TMEM132D: variants seen among roughly 807,000 people sequenced by gnomAD.
TMEM132D encodes transmembrane protein 132D.
Under a neutral mutation model 62.3 loss-of-function variants are expected in TMEM132D, and 21 were observed. The ratio of observed to expected loss-of-function variants is 0.34; its 90% confidence interval spans 0.24 to 0.49. The LOEUF (loss-of-function observed/expected upper bound fraction) is 0.49, where lower values mean the gene tolerates loss of function less well. TMEM132D is among the 20% of genes least tolerant of loss of function. The pLI, the probability that TMEM132D is intolerant of heterozygous loss-of-function variation, is 0.99. For synonymous variants in TMEM132D, 621 were observed against 575.6 expected (o/e 1.08, Z -1.13); for missense variants, 1,346 against 1,402.8 (o/e 0.96, Z 0.65).
At chr12:129,470,946 G>T (rs1327358096) in intron 3 of TMEM132D, among the ~76,000 whole-genome samples, 1 of 152,172 alleles carries the variant, frequency 6.6e-6, no homozygotes, top group Admixed American at 6.5e-5. Context: ...AGAGAGTAGA[G>T]ATGACATCAT....
At chr12:129,272,349 T>A (rs1283254654) in intron 4 of TMEM132D, among the ~76,000 whole-genome samples, 1 of 151,762 alleles carries the variant, frequency 6.6e-6, no homozygotes, top group Non-Finnish European at 1.5e-5. Flanking sequence ...AACCAAGCCA[T>A]CAGTAAGTCT....
chr12:129,207,608 G>A (rs1349891448), intron 5 of TMEM132D, among the ~76,000 whole-genome samples: 3 of 152,160 alleles, frequency 2.0e-5, no homozygotes, highest in South Asian at 2.1e-4. Flanking sequence ...TGTTACAGGA[G>A]TGGCCGAGTC....
chr12:129,395,765 T>C (rs981301213), intron 3 of TMEM132D, among the ~76,000 whole-genome samples: 29 of 148,774 alleles, frequency 1.9e-4, no homozygotes, highest in Non-Finnish European at 3.3e-4. Context: ...ATAAAATATA[T>C]ATCTATATAC....
intron 3 of TMEM132D, among the ~76,000 whole-genome samples, chr12:129,388,119 C>T (rs1871166070): frequency 7.5e-6 from 1 of 132,862 alleles, no homozygotes; most frequent in South Asian, 2.3e-4. Flanking sequence ...ACCAATCCAG[C>T]ACTGATGATA....
In TMEM132D at chr12:129,732,044, G is replaced by A. The variant is rs1028935958; in HGVS notation, c.80-31346C>T. Among the ~76,000 whole-genome samples, 101 of 151,998 alleles carry A rather than the reference G, an allele frequency of 6.6e-4. 2 individuals are homozygous for A. The highest frequency in any genetic ancestry group is 3.4e-3 in the Middle Eastern group (1 of 290). ...CAGATGCTACCATCGAGTGTAGGCC[G>A]GCCTTAGTGGCTTGCTTCTAATTCG... On this transcript the variant is annotated intron_variant, in intron 1 of 8. Transcript: ENST00000422113.
intron 3 of TMEM132D, among the ~76,000 whole-genome samples, chr12:129,364,109 G>A (rs1264388547): frequency 2.0e-5 from 3 of 152,198 alleles, no homozygotes; most frequent in Non-Finnish European, 2.9e-5. Context: ...ACACTCTCCA[G>A]ATAAGATAGC....
At chr12:129,314,917 G>A (rs1268319170) in intron 4 of TMEM132D, among the ~76,000 whole-genome samples, 2 of 151,928 alleles carry the variant, frequency 1.3e-5, no homozygotes, top group Non-Finnish European at 2.9e-5. Flanking sequence ...ATTGTAAAAG[G>A]GATGAGTTCT....
intron 3 of TMEM132D, among the ~76,000 whole-genome samples, chr12:129,446,778 C>T (rs1873109836): frequency 6.6e-6 from 1 of 152,206 alleles, no homozygotes; most frequent in South Asian, 2.1e-4. Context: ...ATTTCCCCCT[C>T]TCTTACTTAA....
At chr12:129,289,566 A>AAAG (rs1555244934) in intron 4 of TMEM132D, among the ~76,000 whole-genome samples, 30 of 144,774 alleles carry the variant, frequency 2.1e-4, no homozygotes, top group East Asian at 1.5e-3. Context: ...AAAAAAAAAG[A>AAAG]AAAAAAAGAA....
intron 2 of TMEM132D, among the ~76,000 whole-genome samples, chr12:129,551,595 T>C (rs139259280): frequency 3.0e-4 from 46 of 152,370 alleles, no homozygotes; most frequent in Middle Eastern, 3.4e-3. Context: ...TCTACTTTAG[T>C]ATAGCGCCAA....
chr12:129,101,984 G>GGT (rs1875323873), intron 5 of TMEM132D, among the ~76,000 whole-genome samples: 5 of 126,958 alleles, frequency 3.9e-5, no homozygotes, highest in African/African-American at 1.8e-4. Context: ...CAAAGCTGCT[G>GGT]TTTTTTTTTT....
rs575700922 is a variant in TMEM132D, at chr12:129,471,934, G to C, written c.1115+59125C>G. ...CTTCAGTTCTGTGAATCTTAGAGAGGTGAGGAAGCTACGGAAGTTGGAAGT... is the reference window on the plus strand; with the variant it reads ...CTTCAGTTCTGTGAATCTTAGAGAGCTGAGGAAGCTACGGAAGTTGGAAGT... On this transcript the variant is annotated intron_variant, in intron 3 of 8. Coordinates refer to ENST00000422113, the MANE Select transcript of TMEM132D (RefSeq NM_133448.3). 2.3e-4 allele frequency among the ~76,000 whole-genome samples: 35 copies of C among 152,366 alleles called. 1 individual carries two copies. In the South Asian group the frequency reaches 6.8e-3, roughly 30 times the overall value.
At chr12:129,086,159 A>C (rs1874610274) in intron 5 of TMEM132D, among the ~76,000 whole-genome samples, 1 of 151,726 alleles carries the variant, frequency 6.6e-6, no homozygotes, top group Non-Finnish European at 1.5e-5. Context: ...AATAATTACA[A>C]GTTAGCTCAC....
At chr12:129,615,558 A>G (rs1236756255) in intron 2 of TMEM132D, among the ~76,000 whole-genome samples, 1 of 149,422 alleles carries the variant, frequency 6.7e-6, no homozygotes, top group African/African-American at 2.5e-5. Context: ...TGGGATCAGC[A>G]TGGGCAATAT....
intron 3 of TMEM132D, among the ~76,000 whole-genome samples, chr12:129,423,433 G>A (rs1389833250): frequency 6.6e-6 from 1 of 152,158 alleles, no homozygotes; most frequent in Admixed American, 6.6e-5. Flanking sequence ...ACGCTCACTG[G>A]GGATCTGGTT....
At chr12:129,106,673 G>T (rs530819921) in intron 5 of TMEM132D, among the ~76,000 whole-genome samples, 7 of 152,254 alleles carry the variant, frequency 4.6e-5, no homozygotes, top group African/African-American at 9.6e-5. Context: ...TGGGCAGATT[G>T]GAGGAGGGCA....
intron 2 of TMEM132D, among the ~76,000 whole-genome samples, chr12:129,564,124 G>C (rs1448784942): frequency 6.6e-6 from 1 of 152,144 alleles, no homozygotes; most frequent in Non-Finnish European, 1.5e-5. Flanking sequence ...GCACCTAGCT[G>C]ACCTGCCTAG....
chr12:129,150,500 C>T (rs945784374), intron 5 of TMEM132D, among the ~76,000 whole-genome samples: 9 of 152,202 alleles, frequency 5.9e-5, no homozygotes, highest in African/African-American at 2.2e-4. Context: ...ATGTAGTCTT[C>T]AGAAAATACC....
At chr12:129,531,960 G>A (rs1876237951) in intron 2 of TMEM132D, among the ~76,000 whole-genome samples, 1 of 152,180 alleles carries the variant, frequency 6.6e-6, no homozygotes, top group Non-Finnish European at 1.5e-5. Context: ...GGAGGCTGAG[G>A]TGGGAGGATC....
Sources: allele counts gnomAD v4.1 joint callset (sites outside exome capture counted in the v4.1 genomes callset), GRCh38; gene constraint gnomAD v4.1.1; transcripts MANE v1.5; gene names NCBI Gene and HGNC (gene_info 2026-07-23, HGNC 2026-07-21).